The following HTR1E variants were observed in gnomAD, a reference collection of about 807,000 sequenced individuals.
The protein encoded by HTR1E is 5-HT-1E.
In HTR1E, 3 loss-of-function variants were observed where a neutral mutation model predicts 3.4. That is an observed-to-expected ratio of 0.89 (90% confidence interval 0.41 to 2.31). The LOEUF is 2.31. Among genes scored for constraint, HTR1E ranks in the 30% most tolerant of loss-of-function variants. The pLI is 0.05. For missense variants in HTR1E, 392 were observed against 467.0 expected (o/e 0.84, Z 1.48); for synonymous variants, 170 against 182.8 (o/e 0.93, Z 0.56).
At chr6:86,998,862 G>C (rs1214448495) in intron 1 of HTR1E, among the ~76,000 whole-genome samples, 2 of 152,088 alleles carry the variant, frequency 1.3e-5, no homozygotes, top group African/African-American at 4.8e-5. Context: ...AAATTACCAA[G>C]ATTAAGAATG....
At chr6:86,959,051 C>A (rs1767368023) in intron 1 of HTR1E, among the ~76,000 whole-genome samples, 1 of 151,518 alleles carries the variant, frequency 6.6e-6, no homozygotes, top group Non-Finnish European at 1.5e-5. Flanking sequence ...AGTTCAAAAT[C>A]TGCAGGGTAG....
intron 1 of HTR1E, chr6:86,970,780 GCA>G (rs1767541136): frequency 4.4e-6 from 1 of 228,034 alleles, no homozygotes; most frequent in South Asian, 6.5e-5. Context: ...AGGTATTATT[GCA>G]GCTTCTTCAC....
chr6:86,955,100 TC>T (rs1319396242), intron 1 of HTR1E, among the ~76,000 whole-genome samples: 4 of 152,168 alleles, frequency 2.6e-5, no homozygotes, highest in Non-Finnish European at 5.9e-5. Flanking sequence ...GGCTTCCGTC[TC>T]CCTGCCGGTC....
chr6:86,978,615 C>T (rs1336094989), intron 1 of HTR1E, among the ~76,000 whole-genome samples: 1 of 152,154 alleles, frequency 6.6e-6, no homozygotes, highest in Non-Finnish European at 1.5e-5. Context: ...TATAATTTGT[C>T]ATTGACTTGG....
chr6:86,995,268 T>C (rs1283350337), intron 1 of HTR1E, among the ~76,000 whole-genome samples: 3 of 150,198 alleles, frequency 2.0e-5, no homozygotes, highest in Non-Finnish European at 4.4e-5. Flanking sequence ...CTGGGCAACA[T>C]AGCAAGACCT....
chr6:86,947,608 CT>C, intron 1 of HTR1E, among the ~76,000 whole-genome samples: 1 of 152,080 alleles, frequency 6.6e-6, no homozygotes, highest in South Asian at 2.1e-4. Context: ...TGCCTTAGTG[CT>C]TTCCCTCTCT....
At chr6:87,010,225 C>G (rs1436760473) in intron 1 of HTR1E, among the ~76,000 whole-genome samples, 2 of 109,108 alleles carry the variant, frequency 1.8e-5, no homozygotes, top group African/African-American at 8.2e-5. Flanking sequence ...GGTGGCTGGC[C>G]GGGCTGAGGG....
intron 1 of HTR1E, among the ~76,000 whole-genome samples, chr6:86,990,953 T>C (rs898292468): frequency 1.1e-4 from 16 of 152,082 alleles, no homozygotes; most frequent in Non-Finnish European, 5.9e-5. Context: ...AATGCTACCT[T>C]AACCAAATGA....
intron 1 of HTR1E, among the ~76,000 whole-genome samples, chr6:87,005,517 G>T (rs1428827490): frequency 1.3e-5 from 2 of 152,086 alleles, no homozygotes; most frequent in Non-Finnish European, 2.9e-5. Context: ...AATGCTGCCG[G>T]GAGAACTGGC....
rs566107305 is a variant in HTR1E, at chr6:86,948,588, C to T, written c.-186+10765C>T. 6.6e-5 allele frequency among the ~76,000 whole-genome samples: 10 copies of T among 152,244 alleles called. No individual in the cohort carries two copies. The South Asian group carries it at 1.9e-3, about 28-fold the overall frequency. ...CCTCCCACTGGCAGAAATTTGCAGG[C>T]TTTTAATGCTGGAAATTGCTGAAGT... On this transcript the variant is annotated intron_variant, in intron 1 of 1. Coordinates refer to ENST00000305344, the MANE Select transcript of HTR1E (RefSeq NM_000865.3).
intron 1 of HTR1E, among the ~76,000 whole-genome samples, chr6:87,007,196 T>C (rs909561065): frequency 4.6e-5 from 7 of 152,142 alleles, no homozygotes; most frequent in Non-Finnish European, 1.0e-4. Flanking sequence ...CTGGAGATCA[T>C]TATGTTAAGT....
At chr6:86,973,193 A>T (rs1040391849) in intron 1 of HTR1E, among the ~76,000 whole-genome samples, 7 of 151,908 alleles carry the variant, frequency 4.6e-5, no homozygotes, top group Non-Finnish European at 1.0e-4. Context: ...TTGGCTTTTA[A>T]CTCCACTGTA....
intron 1 of HTR1E, among the ~76,000 whole-genome samples, chr6:87,013,697 T>A (rs528517287): frequency 2.0e-5 from 3 of 152,002 alleles, no homozygotes; most frequent in Non-Finnish European, 4.4e-5. Flanking sequence ...TATAAACATG[T>A]ATAAAAGAAT....
intron 1 of HTR1E, among the ~76,000 whole-genome samples, chr6:87,010,822 C>T (rs989035614): frequency 1.3e-5 from 2 of 150,866 alleles, no homozygotes; most frequent in East Asian, 2.0e-4. Flanking sequence ...TCGGGCCCCG[C>T]GGGGCCCGTC....
chr6:87,004,250 T>G (rs1768071218), intron 1 of HTR1E, among the ~76,000 whole-genome samples: 1 of 152,160 alleles, frequency 6.6e-6, no homozygotes, highest in South Asian at 2.1e-4. Flanking sequence ...ACTTCCACAT[T>G]TATTCTGTGA....
At chr6:86,992,917 T>C (rs1220230366) in intron 1 of HTR1E, among the ~76,000 whole-genome samples, 3 of 152,170 alleles carry the variant, frequency 2.0e-5, no homozygotes, top group Non-Finnish European at 2.9e-5. Context: ...CACCATTCAA[T>C]GCAAGTCAGT....
At chr6:86,975,209 CA>C (rs1309106957) in intron 1 of HTR1E, among the ~76,000 whole-genome samples, 9 of 152,200 alleles carry the variant, frequency 5.9e-5, no homozygotes, top group African/African-American at 2.2e-4. Context: ...AGTTCACACT[CA>C]AAGGTTCCAA....
chr6:86,977,583 A>T (rs1582269205), intron 1 of HTR1E, among the ~76,000 whole-genome samples: 1 of 152,236 alleles, frequency 6.6e-6, no homozygotes, highest in South Asian at 2.1e-4. Flanking sequence ...GGTAGCTCTA[A>T]GTTCTCTGAG....
chr6:87,006,299 A>G (rs1768107288), intron 1 of HTR1E, among the ~76,000 whole-genome samples: 2 of 152,214 alleles, frequency 1.3e-5, no homozygotes, highest in Non-Finnish European at 1.5e-5. Context: ...TTGCAGCACA[A>G]TTATAGCTAA....
Sources: gnomAD v4.1 joint callset for allele counts (sites outside exome capture counted in the v4.1 genomes callset) on GRCh38, gnomAD v4.1.1 for gene constraint, MANE v1.5 for transcripts, NCBI Gene and HGNC (gene_info 2026-07-23, HGNC 2026-07-21) for gene names.